CDK14: variants seen among roughly 807,000 people sequenced by gnomAD.
CDK14 encodes cyclin dependent kinase 14.
In CDK14, 34 loss-of-function variants were observed where a neutral mutation model predicts 60.7. The observed-to-expected ratio is 0.56, with a 90% CI of 0.43 to 0.75. CDK14 has a LOEUF of 0.75. Ranked by LOEUF, CDK14 falls within the 30% of genes least tolerant of loss-of-function variation. CDK14 has a pLI of 0.00. For synonymous variants in CDK14, 197 were observed against 203.7 expected (o/e 0.97, Z 0.28); for missense variants, 482 against 564.1 (o/e 0.85, Z 1.47).
intron 4 of CDK14, among the ~76,000 whole-genome samples, chr7:90,757,315 C>G (rs1229695644): frequency 6.7e-6 from 1 of 149,050 alleles, no homozygotes; most frequent in African/African-American, 2.5e-5. Flanking sequence ...TGATTAAGGT[C>G]CACCCTAATG....
chr7:90,799,236 A>T (rs1275749740), intron 5 of CDK14, among the ~76,000 whole-genome samples: 1 of 152,174 alleles, frequency 6.6e-6, no homozygotes, highest in African/African-American at 2.4e-5. Context: ...ATAAATAGAC[A>T]ATATTTGGTG....
chr7:90,934,329 A>G (rs1027922591), intron 8 of CDK14, among the ~76,000 whole-genome samples: 4 of 152,254 alleles, frequency 2.6e-5, no homozygotes, highest in African/African-American at 4.8e-5. Flanking sequence ...GTACAGGGCC[A>G]GTTGGCAGAT....
At chr7:91,052,903 A>G (rs1033303058) in intron 11 of CDK14, among the ~76,000 whole-genome samples, 5 of 152,154 alleles carry the variant, frequency 3.3e-5, no homozygotes, top group Middle Eastern at 3.2e-3. Context: ...GAATGGTGAT[A>G]TTTTAAACAC....
intron 11 of CDK14, among the ~76,000 whole-genome samples, chr7:91,055,578 G>A (rs181018745): frequency 2.4e-3 from 368 of 152,226 alleles, no homozygotes; most frequent in Non-Finnish European, 4.3e-3. Context: ...AGTTCTACTC[G>A]CTGGAATTTT....
intron 14 of CDK14, among the ~76,000 whole-genome samples, chr7:91,166,522 A>C (rs1801351412): frequency 1.3e-5 from 2 of 152,266 alleles, no homozygotes. Flanking sequence ...CATAGAAAGC[A>C]TTCAGATTAT....
At chr7:90,907,304 C>G (rs1019738352) in intron 7 of CDK14, among the ~76,000 whole-genome samples, 1 of 151,874 alleles carries the variant, frequency 6.6e-6, no homozygotes, top group Admixed American at 6.6e-5. Context: ...TGTATTAATT[C>G]TTGATTTTAT....
At chr7:90,786,388 A>G (rs1470135105) in intron 4 of CDK14, among the ~76,000 whole-genome samples, 1 of 152,148 alleles carries the variant, frequency 6.6e-6, no homozygotes, top group African/African-American at 2.4e-5. Flanking sequence ...TTTTCTGTAA[A>G]CAGCTCTAAT....
At chr7:90,964,652 G>C (rs1049690935) in intron 9 of CDK14, among the ~76,000 whole-genome samples, 1 of 151,876 alleles carries the variant, frequency 6.6e-6, no homozygotes. Context: ...AACTCTTTTA[G>C]ACATGGTATT....
At chr7:90,784,749 G>T (rs1478644481) in intron 4 of CDK14, among the ~76,000 whole-genome samples, 5 of 152,124 alleles carry the variant, frequency 3.3e-5, no homozygotes, top group Non-Finnish European at 5.9e-5. Context: ...ATGTTAAACA[G>T]TGTTGAGATG....
chr7:90,828,843 A>G (rs756881231), intron 5 of CDK14, among the ~76,000 whole-genome samples: 13 of 152,214 alleles, frequency 8.5e-5, no homozygotes, highest in Non-Finnish European at 1.3e-4. Flanking sequence ...AAATACAACT[A>G]AAGGTTTTTC....
In CDK14 at chr7:90,864,283, A is replaced by C. The variant is rs75975403; in HGVS notation, c.639+1014A>C. Among the ~76,000 whole-genome samples the C allele has an allele frequency of 8.2e-3, 1,255 of 152,296 alleles. 25 individuals are homozygous for C. Among genetic ancestry groups the C allele is most frequent in the African/African-American group, 0.026 (1,088 of 41,576 alleles). ...TGAATAATATGGTAATGTGACTGCAAGGACAGCTAGAGCTGAGCAGTTGCA... is the reference window on the plus strand; with the variant it reads ...TGAATAATATGGTAATGTGACTGCACGGACAGCTAGAGCTGAGCAGTTGCA... On this transcript the variant is annotated intron_variant, in intron 6 of 14. Transcript: ENST00000380050.
chr7:91,091,297 T>TATAC, intron 12 of CDK14, among the ~76,000 whole-genome samples: 1 of 145,098 alleles, frequency 6.9e-6, no homozygotes, highest in Admixed American at 7.0e-5. Context: ...TATATATTTT[T>TATAC]ATATATACAT....
chr7:90,600,913 G>A (rs892393897), intron 1 of CDK14, among the ~76,000 whole-genome samples: 4 of 152,186 alleles, frequency 2.6e-5, no homozygotes, highest in Non-Finnish European at 4.4e-5. Flanking sequence ...TGTAGATATT[G>A]TTCTGACAGT....
intron 7 of CDK14, among the ~76,000 whole-genome samples, chr7:90,900,873 G>C (rs2117357807): frequency 6.6e-6 from 1 of 152,242 alleles, no homozygotes; most frequent in African/African-American, 2.4e-5. Context: ...TTAGTTATCA[G>C]CAACTGTTGG....
intron 2 of CDK14, 25 bp downstream of exon 2, chr7:90,604,274 G>C: frequency 3.5e-6 from 5 of 1,445,298 alleles, no homozygotes; most frequent in Non-Finnish European, 4.7e-6. Flanking sequence ...TTTATCTAAT[G>C]TTAGATGTAT....
intron 2 of CDK14, among the ~76,000 whole-genome samples, chr7:90,670,440 T>C (rs1801072703): frequency 6.6e-6 from 1 of 152,214 alleles, no homozygotes; most frequent in African/African-American, 2.4e-5. Flanking sequence ...TGAGGCTTTG[T>C]GTTAGACTAT....
intron 2 of CDK14, among the ~76,000 whole-genome samples, chr7:90,637,932 T>G (rs1800196713): frequency 6.7e-6 from 1 of 148,652 alleles, no homozygotes; most frequent in South Asian, 2.2e-4. Flanking sequence ...TTAAAGTCTG[T>G]TTTATCAGAG....
At chr7:90,752,461 A>G (rs1188064296) in intron 4 of CDK14, among the ~76,000 whole-genome samples, 1 of 152,166 alleles carries the variant, frequency 6.6e-6, no homozygotes, top group Non-Finnish European at 1.5e-5. Context: ...ATTCTTAGAC[A>G]TAAATGAAAA....
chr7:91,071,179 A>G (rs2116179552), intron 11 of CDK14, among the ~76,000 whole-genome samples: 1 of 152,376 alleles, frequency 6.6e-6, no homozygotes, highest in African/African-American at 2.4e-5. Context: ...TATAAAATCA[A>G]GATCAGGGTC....
Sources: allele counts gnomAD v4.1 joint callset (sites outside exome capture counted in the v4.1 genomes callset), GRCh38; gene constraint gnomAD v4.1.1; transcripts MANE v1.5; gene names NCBI Gene and HGNC (gene_info 2026-07-23, HGNC 2026-07-21).